The following DKK2 variants were observed in gnomAD, a reference collection of about 807,000 sequenced individuals.
The protein encoded by DKK2 is dickkopf Wnt signaling pathway inhibitor 2.
Under a neutral mutation model 28.1 loss-of-function variants are expected in DKK2, and 11 were observed. That is an observed-to-expected ratio of 0.39 (90% CI 0.25 to 0.65). DKK2 has a LOEUF of 0.65. Among genes scored for constraint, DKK2 ranks in the 30% least tolerant of loss-of-function variants. The pLI is 0.47. For synonymous variants in DKK2, 135 were observed against 126.5 expected (o/e 1.07, Z -0.45); for missense variants, 326 against 335.5 (o/e 0.97, Z 0.22).
At chr4:106,972,553 A>C (rs1201032561) in intron 1 of DKK2, among the ~76,000 whole-genome samples, 3 of 152,102 alleles carry the variant, frequency 2.0e-5, no homozygotes, top group African/African-American at 4.8e-5. Flanking sequence ...GTAAGTTGTC[A>C]CTTTTTCCCT....
At chr4:106,976,711 T>C (rs930949972) in intron 1 of DKK2, among the ~76,000 whole-genome samples, 2 of 152,234 alleles carry the variant, frequency 1.3e-5, no homozygotes, top group African/African-American at 2.4e-5. Context: ...GTCTGTGTTT[T>C]TTAATTGGGG....
intron 1 of DKK2, among the ~76,000 whole-genome samples, chr4:106,955,011 G>T (rs1722568579): frequency 6.6e-6 from 1 of 152,134 alleles, no homozygotes; most frequent in African/African-American, 2.4e-5. Flanking sequence ...ACATTGCTTT[G>T]CTTCAATTGA....
At chr4:107,017,286 T>C (rs746611742) in intron 1 of DKK2, among the ~76,000 whole-genome samples, 4 of 152,046 alleles carry the variant, frequency 2.6e-5, no homozygotes, top group African/African-American at 4.8e-5. Context: ...TGAAGTTATC[T>C]TAATGCAATG....
Position 106,963,621 on chromosome 4 carries a change from G to A in DKK2, c.223-37672C>T, listed in dbSNP as rs1041070318. Among the ~76,000 whole-genome samples, 69 of 152,094 alleles carry A rather than the reference G, an allele frequency of 4.5e-4. 1 individual carries two copies. The highest frequency in any genetic ancestry group is 4.5e-3 in the Admixed American group (69 of 15,262). On this transcript the variant is annotated intron_variant, in intron 1 of 3. Transcript: ENST00000285311. ...ATTGTAGCCACTATGGAGAACAATT[G>A]GGAGGTGCCTCAAAACCTAAAAATA... is the stretch of plus-strand genomic sequence containing the variant.
chr4:106,946,044 G>T (rs1335018497), intron 1 of DKK2, among the ~76,000 whole-genome samples: 1 of 152,068 alleles, frequency 6.6e-6, no homozygotes, highest in Non-Finnish European at 1.5e-5. Flanking sequence ...GGAAACTACA[G>T]ATATTTTGCA....
chr4:106,933,403 C>T (rs1019173589), intron 1 of DKK2, among the ~76,000 whole-genome samples: 1 of 152,188 alleles, frequency 6.6e-6, no homozygotes, highest in African/African-American at 2.4e-5. Context: ...ACTCCTAGTG[C>T]TTAGCCACTG....
rs1723957955 is a variant in DKK2, at chr4:107,035,882, AG to A, written c.-292del. 2.2e-6 allele frequency: 1 copy of A among 459,814 alleles called. No individual in the cohort carries two copies. The highest frequency in any genetic ancestry group is 3.6e-5 in the Admixed American group (1 of 27,926). 28.5% of individuals were successfully genotyped at this position (459,814 alleles called of 1,614,324 possible). ...TTTCTCGCCAAGGAGGCGTGACCCA[AG>A]GTGCAAGAAAACCCAGCCCTGTGGA... is the stretch of plus-strand genomic sequence containing the variant. On this transcript the variant is annotated 5_prime_UTR_variant, in exon 1 of 4. Transcript: ENST00000285311.
chr4:106,977,284 C>T (rs753885373), intron 1 of DKK2, among the ~76,000 whole-genome samples: 4 of 152,156 alleles, frequency 2.6e-5, no homozygotes, highest in Non-Finnish European at 5.9e-5. Flanking sequence ...GAATGTTGGC[C>T]TGTCTTGCTA....
intron 1 of DKK2, among the ~76,000 whole-genome samples, chr4:106,932,873 G>C (rs542506318): frequency 1.3e-5 from 2 of 152,200 alleles, no homozygotes; most frequent in South Asian, 4.2e-4. Context: ...GAAGTAACAT[G>C]GTAGGGCAAA....
At chr4:106,976,983 C>A (rs551339078) in intron 1 of DKK2, among the ~76,000 whole-genome samples, 2 of 152,096 alleles carry the variant, frequency 1.3e-5, no homozygotes, top group Non-Finnish European at 2.9e-5. Flanking sequence ...GATTTTATTT[C>A]TCCTTCACTT....
At chr4:106,954,122 A>G (rs1722545607) in intron 1 of DKK2, among the ~76,000 whole-genome samples, 1 of 152,228 alleles carries the variant, frequency 6.6e-6, no homozygotes, top group Admixed American at 6.5e-5. Flanking sequence ...TGATTTATAT[A>G]TAAGCTCTAG....
chr4:107,010,885 A>T (rs2110368979), intron 1 of DKK2, among the ~76,000 whole-genome samples: 1 of 151,270 alleles, frequency 6.6e-6, no homozygotes, highest in African/African-American at 2.4e-5. Flanking sequence ...TATTAATATA[A>T]ATAATATATT....
intron 1 of DKK2, among the ~76,000 whole-genome samples, chr4:106,954,202 C>A (rs955071725): frequency 1.3e-5 from 2 of 152,146 alleles, no homozygotes; most frequent in Admixed American, 6.5e-5. Flanking sequence ...CCACTGTGCC[C>A]ATTACACTTT....
chr4:106,965,136 C>A lies in DKK2; in HGVS notation c.223-39187G>T, dbSNP rs552670147. On this transcript the variant is annotated intron_variant, in intron 1 of 3. Coordinates refer to ENST00000285311, the MANE Select transcript of DKK2 (RefSeq NM_014421.3). ...TTTATCTTTGTCTTTCCATACTTTT[C>A]TTGTACTCCTACATTCTTCTTACTT... Among the ~76,000 whole-genome samples the A allele has an allele frequency of 2.0e-5, 3 of 152,174 alleles. No individual in the cohort carries two copies. In the East Asian group the frequency reaches 5.8e-4, roughly 29 times the overall value.
At chr4:106,940,874 C>T (rs1482080177) in intron 1 of DKK2, among the ~76,000 whole-genome samples, 4 of 151,970 alleles carry the variant, frequency 2.6e-5, no homozygotes, top group East Asian at 1.9e-4. Flanking sequence ...AACCAAACAC[C>T]GCATATTCTC....
intron 1 of DKK2, among the ~76,000 whole-genome samples, chr4:106,995,859 C>T (rs1248456101): frequency 1.3e-5 from 2 of 152,202 alleles, no homozygotes; most frequent in Non-Finnish European, 2.9e-5. Flanking sequence ...GATCCACCCG[C>T]TTCTGCCTCC....
At chr4:106,932,085 G>A (rs529162095) in intron 1 of DKK2, among the ~76,000 whole-genome samples, 1 of 152,222 alleles carries the variant, frequency 6.6e-6, no homozygotes, top group Non-Finnish European at 1.5e-5. Flanking sequence ...ATTGGAAGTT[G>A]AGGATCTGGA....
intron 1 of DKK2, among the ~76,000 whole-genome samples, chr4:107,024,437 A>T (rs928288050): frequency 6.6e-6 from 1 of 152,224 alleles, no homozygotes; most frequent in African/African-American, 2.4e-5. Context: ...ATCCAAGAAA[A>T]TCAAAACAAA....
intron 1 of DKK2, 133 bp from the exon 2 acceptor site, chr4:106,926,082 A>C: frequency 1.0e-6 from 1 of 979,348 alleles, no homozygotes. Context: ...CCATCATCAT[A>C]ATGTTCTGAA....
Sources: allele counts gnomAD v4.1 joint callset (sites outside exome capture counted in the v4.1 genomes callset), GRCh38; gene constraint gnomAD v4.1.1; transcripts MANE v1.5; gene names NCBI Gene and HGNC (gene_info 2026-07-23, HGNC 2026-07-21).